EPHB1: variants seen among roughly 807,000 people sequenced by gnomAD.
EPHB1 encodes EPH receptor B1, also known as ephrin type-B receptor 1.
Under a neutral mutation model 94.4 loss-of-function variants are expected in EPHB1, and 30 were observed. The ratio of observed to expected loss-of-function variants is 0.32; its 90% CI spans 0.24 to 0.43. The LOEUF is 0.43. Among genes scored for constraint, EPHB1 ranks in the 20% least tolerant of loss-of-function variants. EPHB1 has a pLI of 1.00. For missense variants in EPHB1, 1,055 were observed against 1,308.3 expected, an observed-to-expected ratio of 0.81 and a Z score of 2.99; for synonymous variants, 522 against 489.1, an observed-to-expected ratio of 1.07 and a Z score of -0.89.
chr3:135,095,887 C>T (rs573742195), intron 3 of EPHB1, among the ~76,000 whole-genome samples: 128 of 152,318 alleles, frequency 8.4e-4, no homozygotes, highest in African/African-American at 2.9e-3. Flanking sequence ...ACTTAGATGT[C>T]GCTTTCCCAA....
intron 12 of EPHB1, among the ~76,000 whole-genome samples, chr3:135,203,055 C>T (rs921633961): frequency 1.3e-5 from 2 of 152,132 alleles, no homozygotes; most frequent in South Asian, 2.1e-4. Context: ...AGAATGAGTT[C>T]GTGTCCTTTG....
At chr3:135,022,160 C>T (rs1486800891) in intron 3 of EPHB1, among the ~76,000 whole-genome samples, 9 of 152,102 alleles carry the variant, frequency 5.9e-5, no homozygotes, top group East Asian at 5.8e-4. Context: ...TTTGTATTGA[C>T]GAGGTTTCAC....
intron 1 of EPHB1, among the ~76,000 whole-genome samples, chr3:134,864,235 T>C (rs2037325175): frequency 6.6e-6 from 1 of 152,164 alleles, no homozygotes; most frequent in Non-Finnish European, 1.5e-5. Flanking sequence ...TTCATCCCGT[T>C]TTATGGGTTC....
chr3:135,021,340 T>A, intron 3 of EPHB1, among the ~76,000 whole-genome samples: 1 of 152,264 alleles, frequency 6.6e-6, no homozygotes, highest in East Asian at 1.9e-4. Flanking sequence ...TGTTTCATAT[T>A]GTCAAATCTT....
chr3:135,064,538 T>C (rs2107778623), intron 3 of EPHB1, among the ~76,000 whole-genome samples: 1 of 151,410 alleles, frequency 6.6e-6, no homozygotes, highest in African/African-American at 2.4e-5. Context: ...TGATGTCAGT[T>C]GTAACATCTC....
At position 134,925,839 on chromosome 3, in the gene EPHB1, G is replaced by A; in HGVS notation, c.82G>A (p.Ala28Thr). ...MEETLMDTRTATAELGWTANP... is the reference protein window; with the variant it reads ...MEETLMDTRTTTAELGWTANP... ...AGAAACGTTAATGGACACCAGAACG[G>A]CTACTGCAGAGCTGGGCTGGACGGC... The change falls in exon 2 of 16, where the codon GCT becomes ACT. Residue 28 changes from alanine to threonine, a missense_variant. By Grantham distance (58) the Ala-to-Thr change is moderately conservative. Transcript: ENST00000398015. 1 of 1,604,158 alleles carries A rather than the reference G, an allele frequency of 6.2e-7. No individual in the cohort carries two copies. Among genetic ancestry groups the A allele is most frequent in the Non-Finnish European group, 8.5e-7 (1 of 1,175,080 alleles).
At chr3:134,813,716 C>T (rs1387389930) in intron 1 of EPHB1, among the ~76,000 whole-genome samples, 1 of 152,156 alleles carries the variant, frequency 6.6e-6, no homozygotes, top group African/African-American at 2.4e-5. Context: ...CAATGACAGT[C>T]TCAGGATTCT....
At chr3:135,256,039 A>G (rs1002201712) in intron 15 of EPHB1, among the ~76,000 whole-genome samples, 1 of 151,438 alleles carries the variant, frequency 6.6e-6, no homozygotes, top group Non-Finnish European at 1.5e-5. Context: ...TAGGATTGCA[A>G]CCCCTGCCTT....
rs544092275 is a variant in EPHB1, at chr3:135,210,346, G to A, written c.2346+8657G>A. Among the ~76,000 whole-genome samples the A allele has an allele frequency of 4.6e-5, 7 of 152,098 alleles. No individual in the cohort carries two copies. The East Asian group carries it at 1.3e-3, about 29-fold the overall frequency. ...TATAGGATATCACAGTAGAGCTGCTGAATAGGGAGCTGAATATGTGGGTTT... is the reference window on the plus strand; with the variant it reads ...TATAGGATATCACAGTAGAGCTGCTAAATAGGGAGCTGAATATGTGGGTTT... On this transcript the variant is annotated intron_variant, in intron 12 of 15. Coordinates refer to ENST00000398015, the MANE Select transcript of EPHB1 (RefSeq NM_004441.5).
rs746709877 is a variant in EPHB1 at position 135,201,703 on chromosome 3, G to T, written c.2346+14G>T. 1 of 1,611,346 alleles carries T rather than the reference G, an allele frequency of 6.2e-7. No homozygotes were observed. On this transcript the variant is annotated intron_variant, in intron 12 of 15. Transcript: ENST00000398015. Reference sequence around the variant, plus strand: ...ACCAGCTCCTTGGTGAGTCCTTCTTGGCATTCTCAAGTAGAAGCATGGCAT... The same window carrying T: ...ACCAGCTCCTTGGTGAGTCCTTCTTTGCATTCTCAAGTAGAAGCATGGCAT...
At chr3:134,902,892 A>G (rs1452848689) in intron 1 of EPHB1, among the ~76,000 whole-genome samples, 3 of 152,166 alleles carry the variant, frequency 2.0e-5, no homozygotes, top group Non-Finnish European at 4.4e-5. Flanking sequence ...CACTTATTCC[A>G]TCTCTATAAC....
At chr3:135,169,035 C>G (rs1227693202) in intron 9 of EPHB1, among the ~76,000 whole-genome samples, 3 of 152,112 alleles carry the variant, frequency 2.0e-5, no homozygotes, top group Admixed American at 2.0e-4. Context: ...GCTACTGCAA[C>G]CTGAGATCTG....
chr3:134,890,179 GCATTTT>G (rs2037950384), intron 1 of EPHB1, among the ~76,000 whole-genome samples: 2 of 152,004 alleles, frequency 1.3e-5, no homozygotes, highest in Non-Finnish European at 2.9e-5. Context: ...GTATTTCCAT[GCATTTT>G]ATTCATGTTT....
rs1466081945 is a variant in EPHB1 at position 135,029,621 on chromosome 3, G to T, written c.806-76827G>T. 2.0e-5 allele frequency among the ~76,000 whole-genome samples: 3 copies of T among 149,736 alleles called. No homozygotes were observed. In the East Asian group the frequency reaches 6.0e-4, roughly 30 times the overall value. The stretch of plus-strand genomic sequence containing the variant: ...GTTAGTCTGATGGGCTTCCCTTTGA[G>T]GGTAACCCGACCTTTCTCTCTGGCT... On this transcript the variant is annotated intron_variant, in intron 3 of 15. Coordinates refer to ENST00000398015, the MANE Select transcript of EPHB1 (RefSeq NM_004441.5).
chr3:134,957,222 G>T lies in EPHB1; in HGVS notation c.805+5170G>T, dbSNP rs1422148405. Among the ~76,000 whole-genome samples, 5 of 152,180 alleles carry T rather than the reference G, an allele frequency of 3.3e-5. No homozygotes were observed. In the East Asian group the frequency reaches 9.6e-4, roughly 29 times the overall value. On this transcript the variant is annotated intron_variant, in intron 3 of 15. Coordinates refer to ENST00000398015, the MANE Select transcript of EPHB1 (RefSeq NM_004441.5). ...TCCCCAGTTGCCTCCTTCTGAGATG[G>T]TGATAAGTCTCGTATATGGCCCAAA...
At chr3:135,114,912 C>T (rs1016767461) in intron 4 of EPHB1, among the ~76,000 whole-genome samples, 34 of 152,104 alleles carry the variant, frequency 2.2e-4, no homozygotes, top group African/African-American at 8.2e-4. Flanking sequence ...GTTAACATTT[C>T]TTCCTTCAAT....
intron 14 of EPHB1, 71 bp from the exon 15 acceptor site, chr3:135,249,265 T>C (rs1932963238): frequency 9.9e-6 from 15 of 1,516,486 alleles, no homozygotes; most frequent in Non-Finnish European, 1.2e-5. Flanking sequence ...AAGTCAGCTG[T>C]CAGGCCAGAC....
At chr3:135,178,224 A>AAGGG (rs1553744896) in intron 9 of EPHB1, among the ~76,000 whole-genome samples, 2 of 139,422 alleles carry the variant, frequency 1.4e-5, no homozygotes, top group African/African-American at 3.0e-5. Context: ...GAGGCCGGGG[A>AAGGG]GGGGGGGTGG....
chr3:134,847,255 C>T (rs886371396), intron 1 of EPHB1, among the ~76,000 whole-genome samples: 10 of 152,118 alleles, frequency 6.6e-5, no homozygotes, highest in Admixed American at 2.0e-4. Context: ...GCTCCACCTC[C>T]GGCTTCAGAT....
Sources: gnomAD v4.1 joint callset for allele counts (sites outside exome capture counted in the v4.1 genomes callset) on GRCh38, gnomAD v4.1.1 for gene constraint, MANE v1.5 for transcripts, NCBI Gene and HGNC (gene_info 2026-07-23, HGNC 2026-07-21) for gene names.